The following ZNF536 variants were observed in gnomAD, a reference collection of about 807,000 sequenced individuals.
ZNF536 encodes the protein zinc finger protein 536.
Under a neutral mutation model 84.5 loss-of-function variants are expected in ZNF536, and 13 were observed. The ratio of observed to expected loss-of-function variants is 0.15; its 90% CI spans 0.10 to 0.24. The LOEUF is 0.24. Ranked by LOEUF, ZNF536 falls within the 10% of genes least tolerant of loss-of-function variation. The pLI, the probability that ZNF536 is intolerant of heterozygous loss-of-function variation, is 1.00. For missense variants in ZNF536, 1,536 were observed against 1,747.5 expected (o/e 0.88, Z 2.16); for synonymous variants, 811 against 742.5 (o/e 1.09, Z -1.50).
rs141956246 is a variant in ZNF536, at chr19:30,508,141, G to A, written c.2171-26706G>A. ...GCTCAGCAAAGGGGATGGGGCTGTC[G>A]GCTCCCCCTGCCTCACCAACCACTA... On this transcript the variant is annotated intron_variant, in intron 2 of 4. Transcript: ENST00000355537. Among the ~76,000 whole-genome samples, 752 of 152,268 alleles carry A rather than the reference G, an allele frequency of 4.9e-3. 5 individuals are homozygous for A. Among genetic ancestry groups the A allele is most frequent in the African/African-American group, 0.017 (704 of 41,556 alleles).
At chr19:30,493,979 T>A (rs939882815) in intron 2 of ZNF536, among the ~76,000 whole-genome samples, 4 of 152,114 alleles carry the variant, frequency 2.6e-5, no homozygotes, top group Non-Finnish European at 5.9e-5. Context: ...GCTACTAAAA[T>A]AACAACAATA....
chr19:30,664,326 T>A (rs1157011435), intron 1 of ZNF536, among the ~76,000 whole-genome samples: 1 of 150,860 alleles, frequency 6.6e-6, no homozygotes, highest in Non-Finnish European at 1.5e-5. Flanking sequence ...AGTTACTCCT[T>A]GGTGACTGTA....
chr19:30,599,321 T>C (rs1286237994), intron 1 of ZNF536, among the ~76,000 whole-genome samples: 1 of 122,578 alleles, frequency 8.2e-6, no homozygotes, highest in Non-Finnish European at 1.7e-5. Flanking sequence ...TCCTTCCTCC[T>C]TTCCTTCTTT....
chr19:30,347,930 G>A (rs2047802134), intron 2 of ZNF536, among the ~76,000 whole-genome samples: 1 of 152,182 alleles, frequency 6.6e-6, no homozygotes. Flanking sequence ...GCCCTACTTA[G>A]GATGTCTTCT....
chr19:30,432,931 A>G (rs2051542846), intron 1 of ZNF536, among the ~76,000 whole-genome samples: 2 of 152,158 alleles, frequency 1.3e-5, no homozygotes, highest in Non-Finnish European at 2.9e-5. Context: ...GGAACCTGGT[A>G]GAAGGATGGA....
chr19:30,665,161 T>C (rs1256004328), intron 1 of ZNF536: 2 of 152,126 alleles, frequency 1.3e-5, no homozygotes, highest in African/African-American at 4.8e-5. Context: ...CTGAGCAACA[T>C]GGTGAAACCC....
chr19:30,640,245 C>A (rs2049221049), intron 1 of ZNF536, among the ~76,000 whole-genome samples: 1 of 139,032 alleles, frequency 7.2e-6, no homozygotes, highest in South Asian at 2.4e-4. Context: ...AGAGTGAGAC[C>A]CTGTCTCAAG....
intron 2 of ZNF536, among the ~76,000 whole-genome samples, chr19:30,312,102 G>A (rs781629132): frequency 2.0e-5 from 3 of 152,176 alleles, no homozygotes; most frequent in Non-Finnish European, 2.9e-5. Flanking sequence ...ATTTGAATGA[G>A]TGAGTCTCAC....
At position 30,617,041 on chromosome 19, in the gene ZNF536, A is replaced by G. The variant is rs114333573; in HGVS notation, c.169+67527A>G. ...AATTTGGGCTTCACAAATTGAAGAT[A>G]CTTGGTTCCTCGTTTTCTATATTGT... On this transcript the variant is annotated intron_variant, in intron 1 of 1. Transcript: ENST00000592773. Among the ~76,000 whole-genome samples the G allele has an allele frequency of 1.8e-3, 280 of 152,204 alleles. 2 individuals are homozygous for G. The highest frequency in any genetic ancestry group is 6.4e-3 in the African/African-American group (266 of 41,568).
chr19:30,344,619 C>T (rs934815406), intron 2 of ZNF536, among the ~76,000 whole-genome samples: 1 of 151,974 alleles, frequency 6.6e-6, no homozygotes, highest in African/African-American at 2.4e-5. Context: ...CCTGCCACAC[C>T]TTAAAAGCCC....
chr19:30,517,597 G>A (rs2044135004), intron 2 of ZNF536, among the ~76,000 whole-genome samples: 1 of 152,052 alleles, frequency 6.6e-6, no homozygotes, highest in Non-Finnish European at 1.5e-5. Flanking sequence ...TATAGCCTGC[G>A]TGACATAGTG....
chr19:30,495,443 G>A (rs1252102095), intron 2 of ZNF536, among the ~76,000 whole-genome samples: 2 of 152,192 alleles, frequency 1.3e-5, no homozygotes, highest in African/African-American at 4.8e-5. Context: ...GCTGTTCTAG[G>A]AAAGGAAAAT....
In ZNF536 at chr19:30,479,425, C is replaced by T. The variant is rs993585587; in HGVS notation, c.2170+33693C>T. Among the ~76,000 whole-genome samples the T allele has an allele frequency of 3.3e-5, 5 of 152,220 alleles. No individual in the cohort carries two copies. The South Asian group carries it at 6.2e-4, about 19-fold the overall frequency. On this transcript the variant is annotated intron_variant, in intron 2 of 4. Coordinates refer to ENST00000355537, the MANE Select transcript of ZNF536 (RefSeq NM_014717.3). Reference sequence around the variant, plus strand: ...ATCAGATAAGCCTGGAAAATATCTGCGGTTGGGAAACTGCTTCCAGCAACG... The same window carrying T: ...ATCAGATAAGCCTGGAAAATATCTGTGGTTGGGAAACTGCTTCCAGCAACG...
chr19:30,670,776 G>A (rs2050519039), intron 1 of ZNF536, among the ~76,000 whole-genome samples: 1 of 152,218 alleles, frequency 6.6e-6, no homozygotes, highest in Non-Finnish European at 1.5e-5. Context: ...CTGAAGGCAG[G>A]AGCCATTCCC....
intron 4 of ZNF536, chr19:30,555,461 C>T (rs2045931175): frequency 6.6e-6 from 1 of 152,230 alleles, no homozygotes; most frequent in African/African-American, 2.4e-5. Flanking sequence ...ATAGCTCTTT[C>T]TTGGTATGTG....
At chr19:30,701,506 AACTCACAAACACACAG>A (rs71173919) in intron 1 of ZNF536, among the ~76,000 whole-genome samples, 35,470 of 140,228 alleles carry the variant, frequency 0.25, 4,301 homozygotes, top group Middle Eastern at 0.35. Context: ...CAGACACAAA[AACTCACAAACACACAG>A]ACACACAAAC....
At chr19:30,364,461 T>C (rs747075411) in intron 3 of ZNF536, among the ~76,000 whole-genome samples, 2 of 152,160 alleles carry the variant, frequency 1.3e-5, no homozygotes, top group African/African-American at 2.4e-5. Flanking sequence ...CAGGGGTCAG[T>C]GAGCCAAGAT....
At chr19:30,631,094 C>G (rs897509371) in intron 1 of ZNF536, among the ~76,000 whole-genome samples, 2 of 152,164 alleles carry the variant, frequency 1.3e-5, no homozygotes, top group Non-Finnish European at 2.9e-5. Flanking sequence ...GAGGCTGGGC[C>G]GTGCAGCCGG....
intron 1 of ZNF536, among the ~76,000 whole-genome samples, chr19:30,596,588 A>G (rs1430701478): frequency 1.3e-5 from 2 of 152,164 alleles, no homozygotes; most frequent in African/African-American, 4.8e-5. Flanking sequence ...GCAGTAAATT[A>G]TACTTGTTCA....
Sources: allele counts gnomAD v4.1 joint callset (sites outside exome capture counted in the v4.1 genomes callset), GRCh38; gene constraint gnomAD v4.1.1; transcripts MANE v1.5; gene names NCBI Gene and HGNC (gene_info 2026-07-23, HGNC 2026-07-21).